VTI1A: variants seen among roughly 807,000 people sequenced by gnomAD.
VTI1A encodes the protein vesicle transport through interaction with t-SNAREs 1A.
Under a neutral mutation model 34.9 loss-of-function variants are expected in VTI1A, and 22 were observed. The observed-to-expected ratio is 0.63, with a 90% CI of 0.45 to 0.90. The LOEUF (loss-of-function observed/expected upper bound fraction) is 0.90. VTI1A is among the 40% of genes least tolerant of loss of function. The pLI, the probability that VTI1A is intolerant of heterozygous loss-of-function variation, is 0.00. For missense variants in VTI1A, 268 were observed against 275.6 expected (o/e 0.97, Z 0.20); for synonymous variants, 87 against 97.3 (o/e 0.89, Z 0.62).
At chr10:112,697,164 A>C (rs552919744) in intron 7 of VTI1A, among the ~76,000 whole-genome samples, 37 of 152,036 alleles carry the variant, frequency 2.4e-4, no homozygotes, top group African/African-American at 8.7e-4. Context: ...ATTGAAACAC[A>C]AACTTGCAGA....
intron 5 of VTI1A, among the ~76,000 whole-genome samples, chr10:112,606,129 A>G (rs1158001521): frequency 6.6e-6 from 1 of 151,372 alleles, no homozygotes; most frequent in Non-Finnish European, 1.5e-5. Context: ...GGTTCAAGCA[A>G]TTCTCCTGCC....
At chr10:112,560,542 T>A (rs780904674) in intron 5 of VTI1A, among the ~76,000 whole-genome samples, 15 of 152,038 alleles carry the variant, frequency 9.9e-5, no homozygotes, top group Non-Finnish European at 1.9e-4. Flanking sequence ...AGAGGCATTT[T>A]GTTGAATGAT....
intron 7 of VTI1A, among the ~76,000 whole-genome samples, chr10:112,765,324 C>G (rs1000712877): frequency 6.6e-6 from 1 of 152,208 alleles, no homozygotes; most frequent in Non-Finnish European, 1.5e-5. Context: ...CTTCACCTGC[C>G]TCAGCTTCCC....
chr10:112,533,632 TG>T (rs1211412155), intron 4 of VTI1A: 3 of 858,452 alleles, frequency 3.5e-6, no homozygotes, highest in Non-Finnish European at 4.2e-6. Flanking sequence ...AGTGGATCTT[TG>T]GATTTGTTTT....
At chr10:112,833,465 CTCCT>C in the VTI1A span, among the ~76,000 whole-genome samples, 1 of 152,046 alleles carries the variant, frequency 6.6e-6, no homozygotes, top group Non-Finnish European at 1.5e-5. Flanking sequence ...GGTGTGAAGA[CTCCT>C]AAGTTCTGGC....
chr10:112,840,039 G>T, the VTI1A span, among the ~76,000 whole-genome samples: 2 of 152,178 alleles, frequency 1.3e-5, no homozygotes, highest in African/African-American at 4.8e-5. Context: ...AATGGAGGAG[G>T]GCCAGGCTGT....
At chr10:112,535,416 A>G (rs991631376) in intron 4 of VTI1A, among the ~76,000 whole-genome samples, 8 of 152,138 alleles carry the variant, frequency 5.3e-5, no homozygotes, top group African/African-American at 1.9e-4. Context: ...ATGTTTCTTA[A>G]CTTGCAACTG....
chr10:112,571,290 A>T (rs1026094039), intron 5 of VTI1A, among the ~76,000 whole-genome samples: 2 of 152,208 alleles, frequency 1.3e-5, no homozygotes, highest in African/African-American at 4.8e-5. Flanking sequence ...AAAGACTAGT[A>T]ATATCTCATG....
intron 5 of VTI1A, among the ~76,000 whole-genome samples, chr10:112,611,464 C>G (rs1845306183): frequency 6.6e-6 from 1 of 152,130 alleles, no homozygotes; most frequent in Admixed American, 6.5e-5. Context: ...TTATTCTGAT[C>G]ACTTGTGTAA....
At chr10:112,796,424 A>AGGC (rs1554963661) in intron 7 of VTI1A, among the ~76,000 whole-genome samples, 1 of 145,392 alleles carries the variant, frequency 6.9e-6, no homozygotes, top group Non-Finnish European at 1.5e-5. Context: ...AAAAAAAAGA[A>AGGC]GGCTGTCATG....
At chr10:112,772,696 TTTAGAG>T (rs1298203658) in intron 7 of VTI1A, among the ~76,000 whole-genome samples, 11 of 152,238 alleles carry the variant, frequency 7.2e-5, no homozygotes, top group East Asian at 1.9e-4. Flanking sequence ...CTTTGATTCA[TTTAGAG>T]TTAATGTTTA....
chr10:112,462,117 T>C (rs1847748279), intron 2 of VTI1A, among the ~76,000 whole-genome samples: 1 of 152,260 alleles, frequency 6.6e-6, no homozygotes, highest in African/African-American at 2.4e-5. Context: ...CCCAAAGTGC[T>C]GGGATTACAG....
chr10:112,494,018 T>C (rs1264457069), intron 3 of VTI1A, among the ~76,000 whole-genome samples: 7 of 152,186 alleles, frequency 4.6e-5, no homozygotes, highest in Admixed American at 4.6e-4. Context: ...AAATGATGAT[T>C]TTGTGTAGGG....
intron 7 of VTI1A, among the ~76,000 whole-genome samples, chr10:112,670,786 A>G (rs1177611260): frequency 6.6e-6 from 1 of 152,188 alleles, no homozygotes; most frequent in Non-Finnish European, 1.5e-5. Flanking sequence ...TCACTGACTC[A>G]TCTTCTTTTG....
chr10:112,777,893 G>A (rs1022236094), intron 7 of VTI1A, among the ~76,000 whole-genome samples: 10 of 152,138 alleles, frequency 6.6e-5, no homozygotes, highest in Admixed American at 2.6e-4. Context: ...ACCTGAGGTA[G>A]GGAGTTCCAG....
intron 7 of VTI1A, among the ~76,000 whole-genome samples, chr10:112,704,196 A>G (rs1849112583): frequency 6.6e-6 from 1 of 152,216 alleles, no homozygotes. Flanking sequence ...GTTCCTGGCT[A>G]CTTGACTGTC....
chr10:112,737,955 T>G, intron 7 of VTI1A: 4 of 943,338 alleles, frequency 4.2e-6, no homozygotes, highest in Non-Finnish European at 5.1e-6. Flanking sequence ...TAGGCGGGGA[T>G]GCTTAGGGCC....
chr10:112,525,408 C>T (rs776009642), intron 3 of VTI1A, among the ~76,000 whole-genome samples: 1 of 152,056 alleles, frequency 6.6e-6, no homozygotes, highest in African/African-American at 2.4e-5. Flanking sequence ...TGCCTTTTTC[C>T]TGAGTCACTC....
intron 5 of VTI1A, among the ~76,000 whole-genome samples, chr10:112,643,045 C>T (rs1409135913): frequency 1.4e-5 from 2 of 142,858 alleles, no homozygotes; most frequent in Admixed American, 1.5e-4. Flanking sequence ...AGTGCTGTAG[C>T]ACAATCTAGG....
Sources: gnomAD v4.1 joint callset for allele counts (sites outside exome capture counted in the v4.1 genomes callset) on GRCh38, gnomAD v4.1.1 for gene constraint, MANE v1.5 for transcripts, NCBI Gene and HGNC (gene_info 2026-07-23, HGNC 2026-07-21) for gene names.